Variants in SPATA16 observed in about 807,000 individuals in gnomAD.
SPATA16 encodes the protein spermatogenesis-associated protein 16.
A neutral mutation model predicts 63.3 loss-of-function variants in SPATA16; 36 were observed. The observed-to-expected ratio is 0.57, with a 90% CI of 0.44 to 0.75. The LOEUF (loss-of-function observed/expected upper bound fraction) is 0.75. Ranked by LOEUF, SPATA16 falls within the 30% of genes least tolerant of loss-of-function variation. SPATA16 has a pLI of 0.00. For synonymous variants in SPATA16, 203 were observed against 216.7 expected, an observed-to-expected ratio of 0.94 and a Z score of 0.56; for missense variants, 646 against 679.3, an observed-to-expected ratio of 0.95 and a Z score of 0.54.
chr3:172,986,815 A>G (rs1227480429), intron 4 of SPATA16, among the ~76,000 whole-genome samples: 1 of 152,094 alleles, frequency 6.6e-6, no homozygotes, highest in Admixed American at 6.6e-5. Flanking sequence ...ACTTTAGAGG[A>G]TGTATTTGAG....
intron 4 of SPATA16, among the ~76,000 whole-genome samples, chr3:172,978,166 T>C (rs1020843764): frequency 1.3e-5 from 2 of 150,528 alleles, no homozygotes; most frequent in African/African-American, 4.9e-5. Context: ...TCTCTCTATA[T>C]ATATATATAA....
Position 172,956,689 on chromosome 3 carries a change from A to G in SPATA16, c.1069T>C (p.Tyr357His). The change falls in exon 6 of 11, where the codon TAT becomes CAT. Residue 357 changes from tyrosine (Y) to histidine (H), a missense_variant. Coordinates refer to ENST00000351008, the MANE Select transcript of SPATA16 (RefSeq NM_031955.6). ...TATTGAATCTTACCTGTGTACATAT[A>G]CTCTGCATATGCAGGATGAGTTTTT... ...FTKTHPAYAE[Y>H]MYTDLQALHM... 6.2e-7 allele frequency: 1 copy of G among 1,611,830 alleles called. No homozygotes were observed. The highest frequency in any genetic ancestry group is 1.1e-5 in the South Asian group (1 of 91,022).
chr3:172,997,806 T>C (rs1455377819), intron 4 of SPATA16, among the ~76,000 whole-genome samples: 1 of 151,792 alleles, frequency 6.6e-6, no homozygotes, highest in Non-Finnish European at 1.5e-5. Flanking sequence ...AGATTAATTA[T>C]TTTTGCATCT....
intron 10 of SPATA16, among the ~76,000 whole-genome samples, chr3:172,894,837 G>T (rs1731976370): frequency 6.6e-6 from 1 of 152,168 alleles, no homozygotes; most frequent in African/African-American, 2.4e-5. Context: ...CACCAACTAT[G>T]AACCAGAAAA....
chr3:173,086,089 G>C (rs1272666041), intron 2 of SPATA16, among the ~76,000 whole-genome samples: 3 of 151,896 alleles, frequency 2.0e-5, no homozygotes, highest in Non-Finnish European at 4.4e-5. Flanking sequence ...TCAATTGTTT[G>C]GAATAATTTC....
intron 2 of SPATA16, among the ~76,000 whole-genome samples, chr3:173,068,464 A>G (rs1322715528): frequency 6.6e-6 from 1 of 152,212 alleles, no homozygotes; most frequent in African/African-American, 2.4e-5. Flanking sequence ...ATTTGCAATC[A>G]TAATAGTAAC....
chr3:172,963,709 A>C (rs1733841667), intron 5 of SPATA16, among the ~76,000 whole-genome samples: 1 of 152,090 alleles, frequency 6.6e-6, no homozygotes, highest in Non-Finnish European at 1.5e-5. Context: ...GTAAAATGTT[A>C]TTTCCATGGT....
chr3:173,055,819 A>ATTT (rs1264413718), intron 2 of SPATA16, among the ~76,000 whole-genome samples: 1 of 152,198 alleles, frequency 6.6e-6, no homozygotes, highest in Non-Finnish European at 1.5e-5. Flanking sequence ...TTTGCAAGAT[A>ATTT]TTACCTCTGG....
At chr3:172,928,680 A>G (rs1432238130) in intron 6 of SPATA16, among the ~76,000 whole-genome samples, 1 of 152,214 alleles carries the variant, frequency 6.6e-6, no homozygotes, top group African/African-American at 2.4e-5. Context: ...GTACTATACT[A>G]TGGCTAATTT....
intron 2 of SPATA16, among the ~76,000 whole-genome samples, chr3:173,068,441 G>A (rs939728210): frequency 6.6e-6 from 1 of 151,886 alleles, no homozygotes; most frequent in African/African-American, 2.4e-5. Context: ...AAAATAATTG[G>A]TTATAAGATG....
rs1560080348 is a variant in SPATA16 at position 172,961,070 on chromosome 3, CT to C, written c.934-4247del. ...TTTCTTCTTTCTTTCTTTCTTCTTTCTTCCTTCCTTCCTTCCTTCCTTCCTT... is the reference window on the plus strand; with the variant it reads ...TTTCTTCTTTCTTTCTTTCTTCTTTCTCCTTCCTTCCTTCCTTCCTTCCTT... On this transcript the variant is annotated intron_variant, in intron 5 of 10. Coordinates refer to ENST00000351008, the MANE Select transcript of SPATA16 (RefSeq NM_031955.6). Among the ~76,000 whole-genome samples, 74 of 25,624 alleles carry C rather than the reference CT, an allele frequency of 2.9e-3. 1 individual carries two copies. The highest frequency in any genetic ancestry group is 0.011 in the African/African-American group (71 of 6,280). 16.8% of individuals were successfully genotyped at this position (25,624 alleles called of 152,430 possible).
intron 10 of SPATA16, among the ~76,000 whole-genome samples, chr3:172,907,641 T>A (rs1309674484): frequency 6.6e-6 from 1 of 151,868 alleles, no homozygotes; most frequent in Non-Finnish European, 1.5e-5. Context: ...AATGGCGCGA[T>A]CTTGGCTCAC....
intron 4 of SPATA16, among the ~76,000 whole-genome samples, chr3:172,983,209 C>T (rs1222099635): frequency 6.6e-6 from 1 of 152,164 alleles, no homozygotes; most frequent in Non-Finnish European, 1.5e-5. Flanking sequence ...TAATGCAACC[C>T]AACTACACCG....
intron 10 of SPATA16, among the ~76,000 whole-genome samples, chr3:172,907,698 C>CT (rs1732274259): frequency 2.6e-5 from 4 of 152,020 alleles, no homozygotes. Flanking sequence ...GCCTCAGCCT[C>CT]TTGAGTAGCT....
intron 3 of SPATA16, among the ~76,000 whole-genome samples, chr3:173,030,668 A>C (rs1035086014): frequency 6.6e-6 from 1 of 152,068 alleles, no homozygotes; most frequent in Non-Finnish European, 1.5e-5. Flanking sequence ...CAAAGTATGG[A>C]AGTTCCTCAA....
At chr3:172,957,782 A>G (rs541396315) in intron 5 of SPATA16, among the ~76,000 whole-genome samples, 2 of 152,340 alleles carry the variant, frequency 1.3e-5, no homozygotes, top group East Asian at 3.9e-4. Context: ...AATTTACATT[A>G]TTACCCTCAC....
chr3:172,966,688 A>G (rs944520941), intron 5 of SPATA16, among the ~76,000 whole-genome samples: 1 of 152,224 alleles, frequency 6.6e-6, no homozygotes, highest in East Asian at 1.9e-4. Flanking sequence ...AAGAAAATAC[A>G]ATCATATGAA....
chr3:172,964,700 A>G (rs1411801753), intron 5 of SPATA16, among the ~76,000 whole-genome samples: 1 of 152,026 alleles, frequency 6.6e-6, no homozygotes, highest in Non-Finnish European at 1.5e-5. Context: ...TTTTGATTGT[A>G]TTTCTTGACC....
intron 3 of SPATA16, among the ~76,000 whole-genome samples, chr3:173,040,464 T>C (rs1215011803): frequency 6.6e-6 from 1 of 152,160 alleles, no homozygotes; most frequent in Non-Finnish European, 1.5e-5. Flanking sequence ...AAAGTTGTGT[T>C]GTGTCAATAT....
Sources: gnomAD v4.1 joint callset for allele counts (sites outside exome capture counted in the v4.1 genomes callset) on GRCh38, gnomAD v4.1.1 for gene constraint, MANE v1.5 for transcripts, NCBI Gene and HGNC (gene_info 2026-07-23, HGNC 2026-07-21) for gene names.